The following AUTS2 variants were observed in gnomAD, a reference collection of about 807,000 sequenced individuals.
The protein encoded by AUTS2 is activator of transcription and developmental regulator AUTS2, also known as autism susceptibility gene 2 protein.
In AUTS2, 17 loss-of-function variants were observed where a neutral mutation model predicts 112.4. The ratio of observed to expected loss-of-function variants is 0.15; its 90% confidence interval spans 0.10 to 0.23. The LOEUF (loss-of-function observed/expected upper bound fraction) is 0.23. AUTS2 is among the 10% of genes least tolerant of loss of function. AUTS2 has a pLI of 1.00. For synonymous variants in AUTS2, 751 were observed against 702.7 expected, an observed-to-expected ratio of 1.07 and a Z score of -1.09; for missense variants, 1,510 against 1,701.6, an observed-to-expected ratio of 0.89 and a Z score of 1.98.
intron 16 of AUTS2, chr7:70,785,418 A>G (rs1407443481): frequency 4.1e-6 from 2 of 487,470 alleles, no homozygotes; most frequent in Non-Finnish European, 4.0e-6. Context: ...GACGTTATGG[A>G]GAGGAGTTAT....
chr7:70,481,018 G>T (rs1797768025), intron 5 of AUTS2, among the ~76,000 whole-genome samples: 2 of 152,184 alleles, frequency 1.3e-5, no homozygotes, highest in South Asian at 4.1e-4. Flanking sequence ...GATGAGTTTA[G>T]TGAGAGTTGA....
intron 4 of AUTS2, among the ~76,000 whole-genome samples, chr7:70,250,094 A>G (rs1456087809): frequency 6.6e-6 from 1 of 152,022 alleles, no homozygotes; most frequent in African/African-American, 2.4e-5. Flanking sequence ...ACAGAACCCC[A>G]TTCCCTTCAA....
intron 4 of AUTS2, among the ~76,000 whole-genome samples, chr7:70,318,619 G>A (rs1205103302): frequency 6.6e-6 from 1 of 152,214 alleles, no homozygotes; most frequent in Non-Finnish European, 1.5e-5. Context: ...AATTCTTTAA[G>A]CATTGGGACC....
chr7:70,000,178 T>C (rs1799122877), intron 2 of AUTS2, among the ~76,000 whole-genome samples: 1 of 152,210 alleles, frequency 6.6e-6, no homozygotes, highest in African/African-American at 2.4e-5. Flanking sequence ...CAGAGCTGTC[T>C]GTACAGGGGA....
At chr7:70,325,230 G>A (rs982762013) in intron 4 of AUTS2, among the ~76,000 whole-genome samples, 9 of 152,046 alleles carry the variant, frequency 5.9e-5, no homozygotes, top group African/African-American at 2.2e-4. Flanking sequence ...AGACTGAGGC[G>A]GGAGCATCGC....
chr7:70,164,984 A>G (rs1401178345), intron 4 of AUTS2, among the ~76,000 whole-genome samples: 1 of 152,200 alleles, frequency 6.6e-6, no homozygotes, highest in East Asian at 1.9e-4. Flanking sequence ...GACAATATAC[A>G]TAAATCGTGA....
intron 1 of AUTS2, among the ~76,000 whole-genome samples, chr7:69,837,812 C>A (rs529055926): frequency 6.6e-6 from 1 of 152,192 alleles, no homozygotes; most frequent in Admixed American, 6.6e-5. Context: ...TAATAATACA[C>A]GTTTTCCATT....
intron 2 of AUTS2, among the ~76,000 whole-genome samples, chr7:69,924,085 A>G (rs935239799): frequency 6.6e-6 from 1 of 152,168 alleles, no homozygotes; most frequent in African/African-American, 2.4e-5. Flanking sequence ...TACGTTTTTC[A>G]TAGTGCCCTT....
In AUTS2 at chr7:69,933,840, A is replaced by G. The variant is rs375234331; in HGVS notation, c.522+34342A>G. 1.4e-4 allele frequency among the ~76,000 whole-genome samples: 22 copies of G among 152,178 alleles called. No individual in the cohort carries two copies. The East Asian group carries it at 2.1e-3, about 15-fold the overall frequency. ...TTTGTGCTTGACTAGTATAAGTGTCATTTTTGTTTTCTTGAAACCTTTGTT... is the reference window on the plus strand; with the variant it reads ...TTTGTGCTTGACTAGTATAAGTGTCGTTTTTGTTTTCTTGAAACCTTTGTT... On this transcript the variant is annotated intron_variant, in intron 2 of 18. Transcript: ENST00000342771.
intron 1 of AUTS2, among the ~76,000 whole-genome samples, chr7:69,787,792 C>G (rs1789442495): frequency 6.6e-6 from 1 of 152,162 alleles, no homozygotes; most frequent in Admixed American, 6.5e-5. Context: ...CAGGGCTGGT[C>G]TCGAACTCCT....
chr7:70,377,954 A>G (rs1228797007), intron 4 of AUTS2, among the ~76,000 whole-genome samples: 1 of 143,092 alleles, frequency 7.0e-6, no homozygotes, highest in Non-Finnish European at 1.5e-5. Context: ...TTTTTTTTGT[A>G]TTTTTAGTAG....
intron 5 of AUTS2, among the ~76,000 whole-genome samples, chr7:70,534,439 TG>T (rs1800227362): frequency 6.8e-6 from 1 of 147,274 alleles, no homozygotes; most frequent in African/African-American, 2.5e-5. Context: ...TTTGTTTGTT[TG>T]TTTTGAGACA....
At chr7:69,927,058 T>C (rs1584453405) in intron 2 of AUTS2, among the ~76,000 whole-genome samples, 2 of 147,496 alleles carry the variant, frequency 1.4e-5, no homozygotes, top group Non-Finnish European at 3.0e-5. Flanking sequence ...TAAAATGATA[T>C]GTTAAATACT....
chr7:70,400,480 C>G (rs917876854), intron 4 of AUTS2, among the ~76,000 whole-genome samples: 1 of 152,094 alleles, frequency 6.6e-6, no homozygotes, highest in African/African-American at 2.4e-5. Flanking sequence ...GCAGAGAAAA[C>G]AGTTTGACCG....
intron 1 of AUTS2, among the ~76,000 whole-genome samples, chr7:69,767,046 C>T (rs369444113): frequency 2.6e-5 from 4 of 152,324 alleles, no homozygotes; most frequent in African/African-American, 9.6e-5. Flanking sequence ...AATGAGCTGC[C>T]CATAGGTCGC....
intron 1 of AUTS2, among the ~76,000 whole-genome samples, chr7:69,848,802 T>C (rs1015076915): frequency 1.3e-5 from 2 of 152,180 alleles, no homozygotes; most frequent in African/African-American, 4.8e-5. Context: ...CATTCAATTG[T>C]CTGCACAATT....
chr7:69,875,264 C>T (rs940821370), intron 1 of AUTS2, among the ~76,000 whole-genome samples: 1 of 152,002 alleles, frequency 6.6e-6, no homozygotes, highest in African/African-American at 2.4e-5. Flanking sequence ...TCTAAGGTAT[C>T]CATTGTGTTT....
chr7:69,615,942 T>C (rs1285019395), intron 1 of AUTS2, among the ~76,000 whole-genome samples: 1 of 152,238 alleles, frequency 6.6e-6, no homozygotes, highest in Non-Finnish European at 1.5e-5. Context: ...TGTTAGAGGA[T>C]AGGTCACCAG....
intron 5 of AUTS2, among the ~76,000 whole-genome samples, chr7:70,569,703 C>T (rs746471837): frequency 1.3e-5 from 2 of 152,224 alleles, no homozygotes; most frequent in African/African-American, 2.4e-5. Flanking sequence ...AAAACCCTCT[C>T]ATTCATTCCT....
Sources: gnomAD v4.1 joint callset for allele counts (sites outside exome capture counted in the v4.1 genomes callset) on GRCh38, gnomAD v4.1.1 for gene constraint, MANE v1.5 for transcripts, NCBI Gene and HGNC (gene_info 2026-07-23, HGNC 2026-07-21) for gene names.